BBS7: variants seen among roughly 807,000 people sequenced by gnomAD.
BBS7 encodes BBSome complex member BBS7.
Under a neutral mutation model 90.3 loss-of-function variants are expected in BBS7, and 50 were observed. That is an observed-to-expected ratio of 0.55 (90% CI 0.44 to 0.70). The LOEUF is 0.70. Ranked by LOEUF, BBS7 falls within the 30% of genes least tolerant of loss-of-function variation. The pLI, the probability that BBS7 is intolerant of heterozygous loss-of-function variation, is 0.00. For synonymous variants in BBS7, 235 were observed against 287.4 expected (o/e 0.82, Z 1.85); for missense variants, 729 against 838.9 (o/e 0.87, Z 1.62).
At chr4:121,867,945 T>C in intron 2 of BBS7, 36 bp downstream of exon 2, 1 of 1,536,614 alleles carries the variant, frequency 6.5e-7, no homozygotes, top group Non-Finnish European at 9.0e-7. Flanking sequence ...CTGTCACTGC[T>C]AGGGAATAGT....
intron 2 of BBS7, among the ~76,000 whole-genome samples, chr4:121,864,108 G>A (rs1378284402): frequency 6.6e-6 from 1 of 152,148 alleles, no homozygotes; most frequent in African/African-American, 2.4e-5. Context: ...TCTAACTAAT[G>A]CCTGATGATC....
At chr4:121,836,311 T>C (rs1266955632) in intron 13 of BBS7, among the ~76,000 whole-genome samples, 2 of 152,170 alleles carry the variant, frequency 1.3e-5, no homozygotes, top group African/African-American at 2.4e-5. Context: ...TTCCCCCTTA[T>C]CTCTGCCTCT....
chr4:121,833,488 T>C, intron 14 of BBS7, 93 bp from the exon 15 acceptor site: 3 of 1,134,660 alleles, frequency 2.6e-6, no homozygotes, highest in Non-Finnish European at 2.6e-6. Flanking sequence ...GTAATAGTTG[T>C]TAAATATAAA....
intron 2 of BBS7, 142 bp downstream of exon 2, chr4:121,867,839 C>A (rs1337305071): frequency 1.3e-6 from 1 of 746,186 alleles, no homozygotes; most frequent in Non-Finnish European, 2.3e-6. Context: ...CTTGGTATTC[C>A]AGTTTCTGTT....
At chr4:121,842,477 A>C (rs1388161613) in intron 12 of BBS7, among the ~76,000 whole-genome samples, 2 of 151,146 alleles carry the variant, frequency 1.3e-5, no homozygotes, top group African/African-American at 2.4e-5. Context: ...TCTACAAAAA[A>C]TTTAAAAATC....
intron 12 of BBS7, among the ~76,000 whole-genome samples, chr4:121,842,211 C>T (rs1255035558): frequency 6.8e-6 from 1 of 146,112 alleles, no homozygotes; most frequent in Non-Finnish European, 1.5e-5. Context: ...TGAGATTGTG[C>T]CACTGCACTC....
chr4:121,838,178 A>G (rs1725550501), intron 13 of BBS7, among the ~76,000 whole-genome samples: 1 of 152,154 alleles, frequency 6.6e-6, no homozygotes, highest in Admixed American at 6.5e-5. Context: ...AAACTTGCTC[A>G]ATGTAAAATG....
intron 13 of BBS7, among the ~76,000 whole-genome samples, chr4:121,837,072 G>A (rs1453167463): frequency 6.6e-6 from 1 of 151,920 alleles, no homozygotes; most frequent in African/African-American, 2.4e-5. Context: ...CGATTATCAT[G>A]CCTCGGCCTC....
chr4:121,849,043 T>A, intron 8 of BBS7, 115 bp from the exon 9 acceptor site: 1 of 765,116 alleles, frequency 1.3e-6, no homozygotes, highest in Non-Finnish European at 2.3e-6. Flanking sequence ...ATTTACTGAA[T>A]GTTTATGTGC....
Position 121,825,572 on chromosome 4 carries a change from ATTACTTCTC to A in BBS7, c.*279_*287del. ...TTGAATATATTTTAATTTTCCACAT[ATTACTTCTC>A]AATTTAAAAATTAAAACAGCCACTT... On this transcript the variant is annotated 3_prime_UTR_variant, in exon 19 of 19. Transcript: ENST00000264499. 1 of 300,938 alleles carries A rather than the reference ATTACTTCTC, an allele frequency of 3.3e-6. No homozygotes were observed. Among genetic ancestry groups the A allele is most frequent in the Non-Finnish European group, 6.2e-6 (1 of 162,436 alleles). 18.6% of individuals were successfully genotyped at this position (300,938 alleles called of 1,614,324 possible). A position where few individuals can be genotyped will look rare whatever the true frequency, so the allele number is the denominator to read the frequency against.
rs377087941 is a variant in BBS7, at chr4:121,834,997, G to T, written c.1511+147C>A. 490 of 762,570 alleles carry T rather than the reference G, an allele frequency of 6.4e-4. 5 individuals carry two copies. The South Asian group carries it at 0.012, about 19-fold the overall frequency. The allele number at this position is 762,570 out of a possible 1,614,324, so 47.2% of individuals were successfully genotyped here. A position where few individuals can be genotyped will look rare whatever the true frequency, so the allele number is the denominator to read the frequency against. Reference sequence around the variant, plus strand: ...TAAGACAAAGAATCTTATATTTATTGGAAATATTAAATCTATAATATTTAA... The same window carrying T: ...TAAGACAAAGAATCTTATATTTATTTGAAATATTAAATCTATAATATTTAA... On this transcript the variant is annotated intron_variant, in intron 14 of 18. Coordinates refer to ENST00000264499, the MANE Select transcript of BBS7 (RefSeq NM_176824.3).
At chr4:121,868,537 T>G (rs1180219650) in intron 1 of BBS7, among the ~76,000 whole-genome samples, 10 of 151,520 alleles carry the variant, frequency 6.6e-5, no homozygotes, top group African/African-American at 2.4e-4. Context: ...AAAAATTAGC[T>G]AGGCATGGTG....
rs1295335994 is a variant in BBS7 at position 121,848,696 on chromosome 4, T to G, written c.934+148A>C. 4.7e-6 allele frequency: 3 copies of G among 634,550 alleles called. No homozygotes were observed. The African/African-American group carries it at 5.5e-5, about 12-fold the overall frequency. 39.3% of individuals were successfully genotyped at this position (634,550 alleles called of 1,614,324 possible). On this transcript the variant is annotated intron_variant, in intron 9 of 18. Coordinates refer to ENST00000264499, the MANE Select transcript of BBS7 (RefSeq NM_176824.3). ...TCAGCACTATTTGAGGTTTGAGGCT[T>G]CCACTGGGGGTCTTGGAATGGATTC...
intron 15 of BBS7, 68 bp from the exon 16 acceptor site, chr4:121,828,796 A>C: frequency 1.1e-6 from 1 of 927,020 alleles, no homozygotes; most frequent in Non-Finnish European, 1.6e-6. Context: ...TATATATTTT[A>C]TGATTAGTAC....
chr4:121,868,027 T>C lies in BBS7; in HGVS notation c.56A>G (p.Lys19Arg). 1.2e-6 allele frequency: 2 copies of C among 1,613,550 alleles called. No individual in the cohort carries two copies. Among genetic ancestry groups the C allele is most frequent in the South Asian group, 1.1e-5 (1 of 91,082 alleles). ...TGAGGCAGGAATTAGCTTCATAGTC[T>C]TCTGAGATGTTACTCCCACCTAAAG... ...DYLQVGVTSQ[K>R]TMKLIPASRH... is the part of the protein sequence containing the mutation. Residue 19 changes from lysine to arginine, a missense_variant, in exon 2 of 19, where the codon AAG becomes AGG. Coordinates refer to ENST00000264499, the MANE Select transcript of BBS7 (RefSeq NM_176824.3).
chr4:121,853,761 A>C (rs1201245554), intron 7 of BBS7, among the ~76,000 whole-genome samples: 1 of 151,794 alleles, frequency 6.6e-6, no homozygotes, highest in Non-Finnish European at 1.5e-5. Context: ...TAGTAAATTA[A>C]GTGTCACACT....
chr4:121,833,186 T>C lies in BBS7; in HGVS notation c.1676+45A>G, dbSNP rs750930770. The C allele has an allele frequency of 6.3e-6, 10 of 1,589,978 alleles. No homozygotes were observed. In the South Asian group the frequency reaches 7.8e-5, roughly 12 times the overall value. On this transcript the variant is annotated intron_variant, in intron 15 of 18. Transcript: ENST00000264499. ...CTTAAAGGAAAACTTAGAAGCTACA[T>C]TTATATAAAACAACACTTGTGAACC...
intron 1 of BBS7, among the ~76,000 whole-genome samples, chr4:121,869,912 C>T (rs752881143): frequency 4.9e-4 from 75 of 152,132 alleles, no homozygotes; most frequent in Non-Finnish European, 8.1e-4. Flanking sequence ...CCTGGTGCTC[C>T]GCAAAAGGGT....
At position 121,825,271 on chromosome 4, in the gene BBS7, C is replaced by T. The variant is rs983417100; in HGVS notation, c.*589G>A. On this transcript the variant is annotated 3_prime_UTR_variant, in exon 19 of 19. Transcript: ENST00000264499. ...TATCAGTTGCAAATCAATCCTATCT[C>T]CTAGAAAAAACAATTGGTAGGTTAT... 1 of 152,230 alleles carries T rather than the reference C, an allele frequency of 6.6e-6. No homozygotes were observed. Among genetic ancestry groups the T allele is most frequent in the Non-Finnish European group, 1.5e-5 (1 of 68,108 alleles). The allele number at this position is 152,230 out of a possible 1,614,324, so 9.4% of individuals were successfully genotyped here.
Sources: allele counts gnomAD v4.1 joint callset (sites outside exome capture counted in the v4.1 genomes callset), GRCh38; gene constraint gnomAD v4.1.1; transcripts MANE v1.5; gene names NCBI Gene and HGNC (gene_info 2026-07-23, HGNC 2026-07-21).